The following SCARB1 variants were observed in gnomAD, a reference collection of about 807,000 sequenced individuals.
SCARB1 encodes the protein CD36 and LIMPII analogous 1.
Under a neutral mutation model 57.2 loss-of-function variants are expected in SCARB1, and 30 were observed. The observed-to-expected ratio is 0.52, with a 90% CI of 0.39 to 0.71. SCARB1 has a LOEUF of 0.71. Ranked by LOEUF, SCARB1 falls within the 30% of genes least tolerant of loss-of-function variation. The pLI is 0.00. For missense variants in SCARB1, 543 were observed against 671.2 expected, an observed-to-expected ratio of 0.81 and a Z score of 2.11; for synonymous variants, 249 against 268.3, an observed-to-expected ratio of 0.93 and a Z score of 0.70.
chr12:124,827,991 G>A (rs1951232981), intron 1 of SCARB1, among the ~76,000 whole-genome samples: 1 of 152,118 alleles, frequency 6.6e-6, no homozygotes, highest in South Asian at 2.1e-4. Context: ...CACCTTGCAG[G>A]AGCTCTGTAA....
At chr12:124,849,607 C>T (rs1357967321) in intron 1 of SCARB1, among the ~76,000 whole-genome samples, 1 of 152,242 alleles carries the variant, frequency 6.6e-6, no homozygotes, top group Non-Finnish European at 1.5e-5. Context: ...CTGGGACAGT[C>T]GGCCCCACCC....
chr12:124,805,128 CAAGAAGACCAAGACAAGAAGACAAG>C (rs1950277501), intron 7 of SCARB1, among the ~76,000 whole-genome samples: 1 of 113,752 alleles, frequency 8.8e-6, no homozygotes, highest in Non-Finnish European at 1.6e-5. Flanking sequence ...AAGAGGAAGA[CAAGAAGACCAAGACAAGAAGACAAG>C]AAGAGGAAGC....
rs1949938793 is a variant in SCARB1 at position 124,796,197 on chromosome 12, G to A, written c.1129-929C>T. Among the ~76,000 whole-genome samples, 3 of 152,280 alleles carry A rather than the reference G, an allele frequency of 2.0e-5. No individual in the cohort carries two copies. The South Asian group carries it at 6.2e-4, about 32-fold the overall frequency. ...TCAAACTCCTGGCAGCAAGCGAACT[G>A]CCCACCTTGGCCTCCCAAAGTGGGA... On this transcript the variant is annotated intron_variant, in intron 8 of 12. Coordinates refer to ENST00000261693, the MANE Select transcript of SCARB1 (RefSeq NM_005505.5). The surrounding 1 kb of genome is among the most constrained non-coding windows in gnomAD (Gnocchi z 4.0).
intron 8 of SCARB1, 133 bp from the exon 9 acceptor site, chr12:124,795,401 A>C (rs1594214779): frequency 1.4e-6 from 1 of 693,980 alleles, no homozygotes; most frequent in Non-Finnish European, 2.6e-6. Flanking sequence ...CTTGTATCTT[A>C]CCTAAAACAA....
intron 1 of SCARB1, among the ~76,000 whole-genome samples, chr12:124,841,006 GA>G (rs2135786550): frequency 6.6e-6 from 1 of 152,016 alleles, no homozygotes; most frequent in East Asian, 1.9e-4. Flanking sequence ...CCATCTTTAC[GA>G]AAAATACAAA....
At chr12:124,842,188 C>T (rs548728087) in intron 1 of SCARB1, among the ~76,000 whole-genome samples, 14 of 152,354 alleles carry the variant, frequency 9.2e-5, no homozygotes, top group Non-Finnish European at 1.9e-4. Flanking sequence ...AAGCGCCCCA[C>T]GCCCCGTGTC....
intron 1 of SCARB1, among the ~76,000 whole-genome samples, chr12:124,819,075 T>A (rs1330428242): frequency 6.6e-6 from 1 of 151,200 alleles, no homozygotes; most frequent in Non-Finnish European, 1.5e-5. Flanking sequence ...TGCAGTGAGC[T>A]GTAATGGCGC....
chr12:124,835,987 T>A (rs1316693071), intron 1 of SCARB1, among the ~76,000 whole-genome samples: 4 of 152,238 alleles, frequency 2.6e-5, no homozygotes, highest in Non-Finnish European at 4.4e-5. Context: ...CAGTTTGCAA[T>A]CCCTGTCCTA....
chr12:124,843,535 G>A (rs546621231), intron 1 of SCARB1, among the ~76,000 whole-genome samples: 4 of 152,292 alleles, frequency 2.6e-5, no homozygotes, highest in African/African-American at 9.6e-5. Context: ...CCAGAGCTCT[G>A]CAGATCTGAG....
intron 1 of SCARB1, among the ~76,000 whole-genome samples, chr12:124,838,796 G>C (rs1250543870): frequency 1.7e-5 from 1 of 59,030 alleles, no homozygotes; most frequent in Non-Finnish European, 4.1e-5. Flanking sequence ...TTTTTTTTGA[G>C]ATGGAGTCTC....
intron 1 of SCARB1, among the ~76,000 whole-genome samples, chr12:124,818,293 G>A (rs1594290494): frequency 6.6e-6 from 1 of 152,306 alleles, no homozygotes; most frequent in Admixed American, 6.5e-5. Flanking sequence ...GGATTGGGGA[G>A]AGACTGGGAT....
Position 124,817,750 on chromosome 12 carries a change from G to T in SCARB1, c.127-43C>A. 1 of 1,610,124 alleles carries T rather than the reference G, an allele frequency of 6.2e-7. No homozygotes were observed. The highest frequency in any genetic ancestry group is 8.5e-7 in the Non-Finnish European group (1 of 1,176,662). ...AGTACGCTTGTGAGGAGAGTGATGA[G>T]GGCCCCACGCCCCACCACAAGGCTC... On this transcript the variant is annotated intron_variant, in intron 1 of 12. Transcript: ENST00000261693. This position sits in a 1 kb window ranked among gnomAD's most constrained non-coding sequence, Gnocchi z 4.8.
Position 124,811,854 on chromosome 12 carries a change from G to A in SCARB1, c.726+16C>T, listed in dbSNP as rs369936442. ...CCTCTCCCTGGCGACAGGGGCCCTC[G>A]CCTCTCGCCCCTCACCTTGCTCAGC... On this transcript the variant is annotated intron_variant, in intron 5 of 12. Transcript: ENST00000261693. The A allele has an allele frequency of 1.2e-5, 19 of 1,590,918 alleles. No homozygotes were observed. Among genetic ancestry groups the A allele is most frequent in the Admixed American group, 5.1e-5 (3 of 59,192 alleles).
intron 12 of SCARB1, among the ~76,000 whole-genome samples, chr12:124,781,613 C>A (rs554605388): frequency 1.3e-5 from 2 of 152,338 alleles, no homozygotes; most frequent in South Asian, 4.1e-4. Context: ...AGGGCGGCCA[C>A]ATAAAATCAG....
intron 12 of SCARB1, among the ~76,000 whole-genome samples, chr12:124,779,741 T>A (rs838886): frequency 1.3e-5 from 2 of 151,738 alleles, no homozygotes; most frequent in Non-Finnish European, 2.9e-5. Context: ...GAGGCCTCCC[T>A]GCCCCGGTGG....
intron 1 of SCARB1, among the ~76,000 whole-genome samples, chr12:124,854,750 G>C (rs774695326): frequency 2.0e-5 from 3 of 152,182 alleles, no homozygotes; most frequent in Admixed American, 1.3e-4. Context: ...AAGATGGGGG[G>C]GCTATGATGG....
chr12:124,827,755 C>A (rs1274302878), intron 1 of SCARB1, among the ~76,000 whole-genome samples: 2 of 152,168 alleles, frequency 1.3e-5, no homozygotes, highest in Non-Finnish European at 2.9e-5. Context: ...GCTTACATGC[C>A]CCCTTCTCAG....
At chr12:124,835,545 C>T (rs963005474) in intron 1 of SCARB1, among the ~76,000 whole-genome samples, 3 of 152,082 alleles carry the variant, frequency 2.0e-5, no homozygotes, top group Admixed American at 6.6e-5. Context: ...AGCTGGATTA[C>T]GAACGTGAGA....
chr12:124,839,072 G>T (rs534368192), intron 1 of SCARB1, among the ~76,000 whole-genome samples: 59 of 152,150 alleles, frequency 3.9e-4, no homozygotes, highest in African/African-American at 1.4e-3. Flanking sequence ...TACACGCCCA[G>T]CCCAACTTAG....
Sources: gnomAD v4.1 joint callset for allele counts (sites outside exome capture counted in the v4.1 genomes callset) on GRCh38, gnomAD v4.1.1 for gene constraint, Gnocchi (gnomAD v3.1) non-coding constraint, MANE v1.5 for transcripts, NCBI Gene and HGNC (gene_info 2026-07-23, HGNC 2026-07-21) for gene names.